Variants in FLT4 observed in about 807,000 individuals in gnomAD.
FLT4 encodes the protein fms related receptor tyrosine kinase 4.
In FLT4, 30 loss-of-function variants were observed where a neutral mutation model predicts 163.2. The observed-to-expected ratio is 0.18, with a 90% CI of 0.14 to 0.25. The LOEUF (loss-of-function observed/expected upper bound fraction) is 0.25, where lower values mean the gene tolerates loss of function less well. Ranked by LOEUF, FLT4 falls within the 10% of genes least tolerant of loss-of-function variation. FLT4 has a pLI of 1.00. For synonymous variants in FLT4, 884 were observed against 789.5 expected (o/e 1.12, Z -2.01); for missense variants, 1,510 against 1,863.8 (o/e 0.81, Z 3.50).
intron 29 of FLT4, among the ~76,000 whole-genome samples, chr5:180,603,948 T>C (rs1561684703): frequency 6.6e-6 from 1 of 150,464 alleles, no homozygotes; most frequent in Non-Finnish European, 1.5e-5. Context: ...GAGGTTTCAG[T>C]GAGCCAAGAT....
chr5:180,624,034 C>T lies in FLT4; in HGVS notation c.1449G>A (p.Met483Ile), dbSNP rs2127822983. 6.2e-7 allele frequency: 1 copy of T among 1,613,254 alleles called. No individual in the cohort carries two copies. Among genetic ancestry groups the T allele is most frequent in the Non-Finnish European group, 8.5e-7 (1 of 1,180,004 alleles). The change falls in exon 11 of 30, where the codon ATG becomes ATA. Residue 483 changes from methionine to isoleucine, a missense_variant. Coordinates refer to ENST00000261937, the MANE Select transcript of FLT4 (RefSeq NM_182925.5). ...CCGCCCTCCAGTCACGGCACTGTGG[C>T]ATGAGGTCTTGCTGCTGCCGCCGCC... ...SLRRRQQQDLMPQCRDWRAVT... is the reference protein window; with the variant it reads ...SLRRRQQQDLIPQCRDWRAVT...
At chr5:180,605,336 T>C (rs572930501) in intron 29 of FLT4, among the ~76,000 whole-genome samples, 2 of 152,302 alleles carry the variant, frequency 1.3e-5, no homozygotes, top group African/African-American at 4.8e-5. Flanking sequence ...TGTCCGTCCA[T>C]TTCTATCCTG....
chr5:180,626,087 T>C, intron 9 of FLT4, 24 bp downstream of exon 9: 2 of 1,612,676 alleles, frequency 1.2e-6, no homozygotes, highest in Non-Finnish European at 1.7e-6. Context: ...CGCCCACCCG[T>C]GCGCTCTCCC....
chr5:180,639,746 G>A lies in FLT4; in HGVS notation c.59-7968C>T, dbSNP rs551876840. Among the ~76,000 whole-genome samples the A allele has an allele frequency of 2.0e-5, 3 of 152,304 alleles. No individual in the cohort carries two copies. In the East Asian group the frequency reaches 5.8e-4, roughly 29 times the overall value. On this transcript the variant is annotated intron_variant, in intron 1 of 29. Transcript: ENST00000261937. ...AGCCTGCCACGTCCAGAGGCTCTGT[G>A]ACTGCCCAGCCCCCACCTGCAGCCC...
At chr5:180,624,918 C>T (rs985518962) in intron 10 of FLT4, among the ~76,000 whole-genome samples, 1 of 152,252 alleles carries the variant, frequency 6.6e-6, no homozygotes, top group Non-Finnish European at 1.5e-5. Flanking sequence ...GGCTCCATCA[C>T]TTGGCACAGA....
intron 24 of FLT4, chr5:180,613,501 C>CCCCCACCCCTGCTGCTCCT (rs1762374480): frequency 3.9e-6 from 1 of 257,018 alleles, no homozygotes; most frequent in Non-Finnish European, 7.5e-6. Context: ...CTGCTGCTCC[C>CCCCCACCCCTGCTGCTCCT]CCCAACCCCT....
Position 180,613,124 on chromosome 5 carries a change from G to A in FLT4, c.3332-14C>T. On this transcript the variant is annotated splice_polypyrimidine_tract_variant and intron_variant, in intron 24 of 29. Transcript: ENST00000261937. The stretch of plus-strand genomic sequence containing the variant: ...ACGGGGAGGCCCCTGACAACAGGAA[G>A]GGGAGGTGGGTGGGGAGCAAGCCTC... 1 of 1,599,726 alleles carries A rather than the reference G, an allele frequency of 6.3e-7. No individual in the cohort carries two copies. The highest frequency in any genetic ancestry group is 8.6e-7 in the Non-Finnish European group (1 of 1,168,326).
At chr5:180,606,882 CCCGT>C (rs1191161137) in intron 29 of FLT4, among the ~76,000 whole-genome samples, 67 of 135,734 alleles carry the variant, frequency 4.9e-4, no homozygotes, top group Non-Finnish European at 1.6e-4. Context: ...GTGGCGAAAC[CCCGT>C]CTCTACTAAA....
Position 180,629,462 on chromosome 5 carries a change from C to T in FLT4, c.817-35G>A, listed in dbSNP as rs151223305. On this transcript the variant is annotated intron_variant, in intron 6 of 29. Transcript: ENST00000261937. ...CCCAGGGAAGCCCCGCGTCAGCAGG[C>T]GGGCTCCTGCACAGCTACCCCACCG... The T allele has an allele frequency of 6.2e-5, 100 of 1,606,500 alleles. No individual in the cohort carries two copies. In the African/African-American group the frequency reaches 9.9e-4, roughly 16 times the overall value.
chr5:180,603,631 G>A lies in FLT4; in HGVS notation c.3894-241C>T, dbSNP rs1761625378. Among the ~76,000 whole-genome samples, 4 of 152,254 alleles carry A rather than the reference G, an allele frequency of 2.6e-5. No individual in the cohort carries two copies. The South Asian group carries it at 8.3e-4, about 31-fold the overall frequency. On this transcript the variant is annotated intron_variant, in intron 29 of 29. Coordinates refer to ENST00000261937, the MANE Select transcript of FLT4 (RefSeq NM_182925.5). ...AAACAATTGCTTGAGGCCGGGTGCG[G>A]TGGCTCATGCCTGTAATCCCAGCAC...
rs148616009 is a variant in FLT4 at position 180,629,396 on chromosome 5, C to T, written c.848G>A (p.Arg283His). Residue 283 changes from arginine (R) to histidine (H), a missense_variant, in exon 7 of 30, where the codon CGC becomes CAC. By Grantham distance (29) the Arg-to-His change is conservative. Around this residue, in one of 5 missense-constraint regions of FLT4, gnomAD observed 163 missense variants for 281.1 expected, o/e 0.58. Coordinates refer to ENST00000261937, the MANE Select transcript of FLT4 (RefSeq NM_182925.5). The part of the protein sequence containing the change: ...AERGKWVPER[R>H]SQQTHTELSS... ...GAGTTCTGTGTGGGTCTGCTGGGAG[C>T]GTCGCTCGGGCACCCACTTACCCCG... The T allele has an allele frequency of 3.2e-5, 52 of 1,611,752 alleles. 1 individual carries two copies. The highest frequency in any genetic ancestry group is 1.1e-4 in the South Asian group (10 of 91,016).
intron 10 of FLT4, 44 bp downstream of exon 10, chr5:180,625,812 TGGCTGAGGCTGGG>T: frequency 6.5e-7 from 1 of 1,543,276 alleles, no homozygotes; most frequent in Admixed American, 1.7e-5. Flanking sequence ...AGGTTCCTCA[TGGCTGAGGCTGGG>T]GGCTGTGGCT....
intron 1 of FLT4, among the ~76,000 whole-genome samples, chr5:180,641,815 G>A (rs1352124587): frequency 6.6e-6 from 1 of 152,332 alleles, no homozygotes; most frequent in South Asian, 2.1e-4. Flanking sequence ...ATGGTCTTGG[G>A]CAAATCACTT....
intron 2 of FLT4, among the ~76,000 whole-genome samples, chr5:180,631,119 G>A (rs1026895286): frequency 5.9e-5 from 9 of 152,094 alleles, no homozygotes; most frequent in Admixed American, 1.3e-4. Flanking sequence ...CTGGGAGGTG[G>A]CCTGGGGTCA....
chr5:180,645,133 TG>T (rs995405660), intron 1 of FLT4, among the ~76,000 whole-genome samples: 5 of 151,540 alleles, frequency 3.3e-5, no homozygotes, highest in Non-Finnish European at 5.9e-5. Flanking sequence ...GTGGGTGAGT[TG>T]GGGGGGGCCC....
chr5:180,627,019 G>C (rs993858976), intron 8 of FLT4, among the ~76,000 whole-genome samples: 14 of 152,352 alleles, frequency 9.2e-5, no homozygotes, highest in Admixed American at 5.9e-4. Flanking sequence ...GGGCAGTGCT[G>C]CCTCCTGCAG....
At position 180,622,778 on chromosome 5, in the gene FLT4, G is replaced by C; in HGVS notation, c.1610C>G (p.Ser537Cys). ...CCGCTCATCCTGGCCCACCTTGTTG[G>C]AGACCACACACTTGTACATGGCAGA... Reference protein sequence around the residue: ...NVSAMYKCVVSNKVGQDERLI... With the variant: ...NVSAMYKCVVCNKVGQDERLI... The change falls in exon 12 of 30, where the codon TCC becomes TGC. Residue 537 changes from serine to cysteine, a missense_variant. Physicochemically the swap from Ser to Cys is moderately radical, Grantham distance 112. Around this residue, in one of 5 missense-constraint regions of FLT4, gnomAD observed 878 missense variants for 1,016.7 expected, o/e 0.86. Coordinates refer to ENST00000261937, the MANE Select transcript of FLT4 (RefSeq NM_182925.5). The C allele has an allele frequency of 6.2e-7, 1 of 1,613,616 alleles. No individual in the cohort carries two copies. The highest frequency in any genetic ancestry group is 8.5e-7 in the Non-Finnish European group (1 of 1,179,904).
At chr5:180,619,872 G>T (rs1762989702) in intron 17 of FLT4, 103 bp from the exon 18 acceptor site, 2 of 849,948 alleles carry the variant, frequency 2.4e-6, no homozygotes, top group Non-Finnish European at 3.9e-6. Flanking sequence ...GGACAGGCCT[G>T]GCAGCAGGAG....
At chr5:180,628,747 G>A in intron 8 of FLT4, 135 bp downstream of exon 8, 2 of 679,918 alleles carry the variant, frequency 2.9e-6, no homozygotes. Flanking sequence ...GGTCTCCTGA[G>A]AGAGGCCCCC....
Sources: gnomAD v4.1 joint callset for allele counts (sites outside exome capture counted in the v4.1 genomes callset) on GRCh38, gnomAD v4.1.1 for gene constraint, gnomAD v4.1.1 regional missense constraint, MANE v1.5 for transcripts, NCBI Gene and HGNC (gene_info 2026-07-23, HGNC 2026-07-21) for gene names.